Variants in WNT8B observed in about 807,000 individuals in gnomAD.
WNT8B encodes protein Wnt-8b.
In WNT8B, 24 loss-of-function variants were observed where a neutral mutation model predicts 36.6. That is an observed-to-expected ratio of 0.66 (90% CI 0.48 to 0.92). The LOEUF (loss-of-function observed/expected upper bound fraction) is 0.92, where lower values mean the gene tolerates loss of function less well. WNT8B is among the 40% of genes least tolerant of loss of function. The probability of loss-of-function intolerance (pLI) is 0.00; values close to 1 mark genes in which losing one functional copy is unlikely to be tolerated. For missense variants in WNT8B, 402 were observed against 470.8 expected (o/e 0.85, Z 1.35); for synonymous variants, 199 against 189.8 (o/e 1.05, Z -0.40).
At position 100,482,784 on chromosome 10, in the gene WNT8B, G is replaced by T. The variant is rs773154321; in HGVS notation, c.1024G>T (p.Gly342Cys). 6 of 1,586,278 alleles carry T rather than the reference G, an allele frequency of 3.8e-6. No homozygotes were observed. Among genetic ancestry groups the T allele is most frequent in the Non-Finnish European group, 5.2e-6 (6 of 1,164,868 alleles). ...FCSRAERPRG[G>C]AAHKPGRKP ...TAGCCGCGCAGAGCGGCCGCGGGGGGGCGCTGCGCACAAACCCGGGAGAAA... is the reference window on the plus strand; with the variant it reads ...TAGCCGCGCAGAGCGGCCGCGGGGGTGCGCTGCGCACAAACCCGGGAGAAA... The change falls in exon 6 of 6, where the codon GGC (glycine) becomes TGC (cysteine). Residue 342 changes from glycine to cysteine, a missense_variant. This residue lies in a region of WNT8B where 256 missense variants were observed against 278.6 expected (regional missense o/e 0.92). Transcript: ENST00000343737. The surrounding 1 kb of genome is among the most constrained non-coding windows in gnomAD (Gnocchi z 6.6).
At chr10:100,468,395 G>A (rs1850934964) in intron 1 of WNT8B, among the ~76,000 whole-genome samples, 1 of 152,182 alleles carries the variant, frequency 6.6e-6, no homozygotes, top group African/African-American at 2.4e-5. Flanking sequence ...AGTCTATACT[G>A]CAGGGACCAA....
chr10:100,470,046 A>G (rs1376717553), intron 1 of WNT8B, among the ~76,000 whole-genome samples: 2 of 152,086 alleles, frequency 1.3e-5, no homozygotes, highest in Non-Finnish European at 2.9e-5. Flanking sequence ...TTCATTCACT[A>G]CCACTTCTCC....
chr10:100,481,210 T>G, intron 4 of WNT8B, 87 bp downstream of exon 4: 2 of 1,518,678 alleles, frequency 1.3e-6, no homozygotes, highest in Non-Finnish European at 1.8e-6. Flanking sequence ...AAGAGCTGTA[T>G]TCTTCTAAAT....
At position 100,474,689 on chromosome 10, in the gene WNT8B, T is replaced by G. The variant is rs112347362; in HGVS notation, c.69-4363T>G. On this transcript the variant is annotated intron_variant, in intron 1 of 5. Transcript: ENST00000343737. ...AAGTGATTCTCCTGCCTCAGCCTCC[T>G]GAGTAGCTGGGATTACAGGGGTGCA... Among the ~76,000 whole-genome samples the G allele has an allele frequency of 3.6e-3, 541 of 152,084 alleles. 1 individual carries two copies. Among genetic ancestry groups the G allele is most frequent in the African/African-American group, 0.012 (513 of 41,528 alleles).
At chr10:100,476,602 A>G (rs1045123055) in intron 1 of WNT8B, among the ~76,000 whole-genome samples, 4 of 150,586 alleles carry the variant, frequency 2.7e-5, no homozygotes, top group Non-Finnish European at 5.9e-5. Context: ...AGCATGGAAC[A>G]ATACATAATG....
chr10:100,481,189 TG>T (rs1260512771), intron 4 of WNT8B, 66 bp downstream of exon 4: 2 of 1,588,196 alleles, frequency 1.3e-6, no homozygotes, highest in East Asian at 2.3e-5. Flanking sequence ...AAAAGCCTGG[TG>T]GGGGTGAAGA....
chr10:100,482,169 G>A lies in WNT8B; in HGVS notation c.511-102G>A. 1.3e-6 allele frequency: 2 copies of A among 1,551,716 alleles called. No individual in the cohort carries two copies. The highest frequency in any genetic ancestry group is 8.7e-7 in the Non-Finnish European group (1 of 1,150,738). ...ATTGGCAAAATGAGGTACCAAGTGG[G>A]CTGGCCCAGTAGACTAACTAGACTT... On this transcript the variant is annotated intron_variant, in intron 5 of 5. Transcript: ENST00000343737. This position sits in a 1 kb window ranked among gnomAD's most constrained non-coding sequence, Gnocchi z 6.6.
chr10:100,483,170 C>A lies in WNT8B; in HGVS notation c.*354C>A, dbSNP rs78341592. On this transcript the variant is annotated 3_prime_UTR_variant, in exon 6 of 6. Coordinates refer to ENST00000343737, the MANE Select transcript of WNT8B (RefSeq NM_003393.4). ...AGGCGCTGGAAGAACCCTTCTCAGA[C>A]ACGCAGGACCCAGGTAAAGTCAAAG... is the stretch of plus-strand genomic sequence containing the variant. The A allele has an allele frequency of 2.6e-5, 6 of 228,408 alleles. No homozygotes were observed. The highest frequency in any genetic ancestry group is 4.2e-5 in the Non-Finnish European group (5 of 118,422). 14.1% of individuals were successfully genotyped at this position (228,408 alleles called of 1,614,324 possible). A position where few individuals can be genotyped will look rare whatever the true frequency, so the allele number is the denominator to read the frequency against.
chr10:100,479,219 C>A, intron 2 of WNT8B, 134 bp downstream of exon 2: 1 of 851,300 alleles, frequency 1.2e-6, no homozygotes, highest in Non-Finnish European at 1.7e-6. Flanking sequence ...AAGATTGAGA[C>A]CCAGAGGGTG....
At chr10:100,467,529 A>G (rs1346917765) in intron 1 of WNT8B, among the ~76,000 whole-genome samples, 1 of 152,152 alleles carries the variant, frequency 6.6e-6, no homozygotes, top group South Asian at 2.1e-4. Flanking sequence ...CAAAACTGCA[A>G]TTACCATTTG....
chr10:100,464,816 T>A (rs1339475019), intron 1 of WNT8B, among the ~76,000 whole-genome samples: 1 of 152,262 alleles, frequency 6.6e-6, no homozygotes, highest in African/African-American at 2.4e-5. Flanking sequence ...CTTTTTCCTA[T>A]AAGCCCCAAT....
Position 100,482,510 on chromosome 10 carries a change from G to A in WNT8B, c.750G>A (p.Glu250=), listed in dbSNP as rs749650378. ...CTACCCGGGAGCTGGTGCACCTGGAGGACTCCCCGGACTACTGCCTGGAGA... is the reference window on the plus strand; with the variant it reads ...CTACCCGGGAGCTGGTGCACCTGGAAGACTCCCCGGACTACTGCCTGGAGA... The part of the protein sequence containing the change: ...SISTRELVHL[E]DSPDYCLENK... The change falls in exon 6 of 6, where the codon GAG becomes GAA. Residue 250 remains glutamate (E), a synonymous_variant. Transcript: ENST00000343737. This position sits in a 1 kb window ranked among gnomAD's most constrained non-coding sequence, Gnocchi z 6.6. 1 of 1,600,802 alleles carries A rather than the reference G, an allele frequency of 6.2e-7. No homozygotes were observed. Among genetic ancestry groups the A allele is most frequent in the East Asian group, 2.2e-5 (1 of 44,844 alleles).
intron 2 of WNT8B, 136 bp from the exon 3 acceptor site, chr10:100,479,738 A>T (rs1851085838): frequency 1.7e-6 from 2 of 1,160,762 alleles, no homozygotes; most frequent in Admixed American, 4.9e-5. Context: ...TGTGATGTCA[A>T]ATGAGACAGC....
chr10:100,469,539 T>C (rs1850950982), intron 1 of WNT8B, among the ~76,000 whole-genome samples: 1 of 152,234 alleles, frequency 6.6e-6, no homozygotes, highest in Admixed American at 6.5e-5. Flanking sequence ...CTTTTCACCC[T>C]TGAAAAATAT....
chr10:100,469,987 C>T (rs1850955838), intron 1 of WNT8B, among the ~76,000 whole-genome samples: 1 of 152,216 alleles, frequency 6.6e-6, no homozygotes, highest in African/African-American at 2.4e-5. Context: ...AGCCCTTTGT[C>T]CTATATGCCT....
rs1289172362 is a variant in WNT8B at position 100,479,749 on chromosome 10, ATATT to A, written c.103-122_103-119del. 3 of 1,228,850 alleles carry A rather than the reference ATATT, an allele frequency of 2.4e-6. No homozygotes were observed. In the African/African-American group the frequency reaches 4.6e-5, roughly 19 times the overall value. 76.1% of individuals were successfully genotyped at this position (1,228,850 alleles called of 1,614,324 possible). A position where few individuals can be genotyped will look rare whatever the true frequency, so the allele number is the denominator to read the frequency against. ...TATTTGTGATGTCAAATGAGACAGC[ATATT>A]TAAAGGCTTACTCCATTATTTTGGA... On this transcript the variant is annotated intron_variant, in intron 2 of 5. Coordinates refer to ENST00000343737, the MANE Select transcript of WNT8B (RefSeq NM_003393.4).
intron 1 of WNT8B, among the ~76,000 whole-genome samples, chr10:100,472,396 C>T (rs577088548): frequency 1.3e-5 from 2 of 152,174 alleles, no homozygotes; most frequent in East Asian, 3.9e-4. Context: ...CCACACCTGG[C>T]CGGAAGATTT....
At position 100,478,225 on chromosome 10, in the gene WNT8B, G is replaced by A. The variant is rs148316139; in HGVS notation, c.69-827G>A. On this transcript the variant is annotated intron_variant, in intron 1 of 5. Coordinates refer to ENST00000343737, the MANE Select transcript of WNT8B (RefSeq NM_003393.4). ...CTAATTAGAGAAGTATCCTTCTAAC[G>A]TCCCACGGAGTCAGATGAATGTGGA... 9.0e-3 allele frequency among the ~76,000 whole-genome samples: 1,365 copies of A among 152,176 alleles called. 12 individuals are homozygous for A. The highest frequency in any genetic ancestry group is 0.014 in the Non-Finnish European group (919 of 68,008).
At chr10:100,465,004 G>A (rs781139638) in intron 1 of WNT8B, among the ~76,000 whole-genome samples, 1 of 152,130 alleles carries the variant, frequency 6.6e-6, no homozygotes, top group Non-Finnish European at 1.5e-5. Flanking sequence ...CCTTTGAAAT[G>A]TTTCTCTTAA....
Sources: allele counts gnomAD v4.1 joint callset (sites outside exome capture counted in the v4.1 genomes callset), GRCh38; gene constraint gnomAD v4.1.1; regional missense constraint gnomAD v4.1.1; non-coding constraint Gnocchi (gnomAD v3.1); transcripts MANE v1.5; gene names NCBI Gene and HGNC (gene_info 2026-07-23, HGNC 2026-07-21).